Variants in CACNA1E observed in about 807,000 individuals in gnomAD.
The protein encoded by CACNA1E is calcium voltage-gated channel subunit alpha1 E, also known as voltage-dependent R-type calcium channel subunit alpha-1E.
In CACNA1E, 40 loss-of-function variants were observed where a neutral mutation model predicts 259.2. The observed-to-expected ratio is 0.15, with a 90% CI of 0.12 to 0.20. The LOEUF (loss-of-function observed/expected upper bound fraction) is 0.20. CACNA1E is among the 10% of genes least tolerant of loss of function. The pLI is 1.00. For missense variants in CACNA1E, 1,874 were observed against 3,040.1 expected, an observed-to-expected ratio of 0.62 and a Z score of 9.02; for synonymous variants, 1,104 against 1,138.5, an observed-to-expected ratio of 0.97 and a Z score of 0.61.
intron 1 of CACNA1E, among the ~76,000 whole-genome samples, chr1:181,384,231 G>T (rs1470282765): frequency 6.6e-6 from 1 of 152,128 alleles, no homozygotes; most frequent in Non-Finnish European, 1.5e-5. Flanking sequence ...ACACGGAGAT[G>T]CGATATCTAT....
At position 181,658,214 on chromosome 1, in the gene CACNA1E, G is replaced by A. The variant is rs528852040; in HGVS notation, c.1055+6773G>A. Among the ~76,000 whole-genome samples, 6 of 152,326 alleles carry A rather than the reference G, an allele frequency of 3.9e-5. No individual in the cohort carries two copies. In the South Asian group the frequency reaches 6.2e-4, roughly 16 times the overall value. On this transcript the variant is annotated intron_variant, in intron 7 of 47. Coordinates refer to ENST00000367573, the MANE Select transcript of CACNA1E (RefSeq NM_001205293.3). ...TTGTGTCTTAACAGAGCTGGAAATG[G>A]AACAGAACACTACCATACTGGACAG...
chr1:181,790,035 C>T lies in CACNA1E; in HGVS notation c.5787-410C>T, dbSNP rs555606421. Among the ~76,000 whole-genome samples the T allele has an allele frequency of 2.8e-4, 43 of 152,074 alleles. 2 individuals carry two copies. Reference sequence around the variant, plus strand: ...GCGAAATAAGACCATATTCTTACTGCGAGTAGGGAAAATTTTTAAAAAGTC... The same window carrying T: ...GCGAAATAAGACCATATTCTTACTGTGAGTAGGGAAAATTTTTAAAAAGTC... On this transcript the variant is annotated intron_variant, in intron 43 of 47. Transcript: ENST00000367573.
intron 2 of CACNA1E, among the ~76,000 whole-genome samples, chr1:181,434,775 A>G (rs1262822707): frequency 6.6e-6 from 1 of 152,196 alleles, no homozygotes; most frequent in Non-Finnish European, 1.5e-5. Flanking sequence ...GTCAGGGAAC[A>G]CTTCGGAGCT....
chr1:181,539,080 T>C (rs1038140637), intron 3 of CACNA1E, among the ~76,000 whole-genome samples: 7 of 152,184 alleles, frequency 4.6e-5, no homozygotes, highest in Admixed American at 3.3e-4. Context: ...TCCTTTTGAA[T>C]GTGCTCTTTT....
chr1:181,734,817 C>T (rs1655881354), intron 21 of CACNA1E, among the ~76,000 whole-genome samples: 1 of 148,754 alleles, frequency 6.7e-6, no homozygotes, highest in Non-Finnish European at 1.5e-5. Flanking sequence ...AATTCCACAC[C>T]CTATCCTTGC....
chr1:181,470,070 A>T (rs1418151678), intron 2 of CACNA1E, among the ~76,000 whole-genome samples: 1 of 151,442 alleles, frequency 6.6e-6, no homozygotes, highest in African/African-American at 2.4e-5. Context: ...AGAGAGAGTG[A>T]GAGAGAGAGA....
At chr1:181,551,218 C>G (rs1486895983) in intron 3 of CACNA1E, among the ~76,000 whole-genome samples, 1 of 152,172 alleles carries the variant, frequency 6.6e-6, no homozygotes, top group East Asian at 1.9e-4. Flanking sequence ...AAGGTAAACT[C>G]TCCCTCTCTG....
chr1:181,427,853 T>A (rs909783111), intron 2 of CACNA1E, among the ~76,000 whole-genome samples: 4 of 151,652 alleles, frequency 2.6e-5, no homozygotes, highest in African/African-American at 9.7e-5. Flanking sequence ...TATAGGTCTT[T>A]GTTTTGCTCT....
intron 32 of CACNA1E, among the ~76,000 whole-genome samples, 164 bp from the exon 33 acceptor site, chr1:181,762,410 C>G (rs1186523441): frequency 6.6e-6 from 1 of 152,154 alleles, no homozygotes; most frequent in South Asian, 2.1e-4. Context: ...AATGGCATCT[C>G]TGGTTAGAAA....
chr1:181,422,423 C>T (rs1476376084), intron 2 of CACNA1E, among the ~76,000 whole-genome samples: 2 of 152,332 alleles, frequency 1.3e-5, no homozygotes, highest in African/African-American at 2.4e-5. Flanking sequence ...CCATACCAAA[C>T]GGTCTAGTCC....
At chr1:181,434,326 T>G (rs778659666) in intron 2 of CACNA1E, among the ~76,000 whole-genome samples, 20 of 152,288 alleles carry the variant, frequency 1.3e-4, no homozygotes, top group Non-Finnish European at 2.4e-4. Context: ...GTGGCTTAAT[T>G]TTTTTTACTA....
intron 7 of CACNA1E, chr1:181,651,742 C>A: frequency 4.7e-6 from 1 of 214,276 alleles, no homozygotes; most frequent in African/African-American, 2.3e-5. Context: ...AGTCAGAGAC[C>A]TATGTCAAAC....
At chr1:181,384,055 A>G (rs536168551) in intron 1 of CACNA1E, among the ~76,000 whole-genome samples, 1 of 152,156 alleles carries the variant, frequency 6.6e-6, no homozygotes, top group South Asian at 2.1e-4. Context: ...TTTTTACTTT[A>G]TTTAATTTTA....
intron 6 of CACNA1E, among the ~76,000 whole-genome samples, chr1:181,621,485 C>T (rs568277761): frequency 6.6e-6 from 1 of 152,110 alleles, no homozygotes; most frequent in African/African-American, 2.4e-5. Context: ...TTGGTAAATG[C>T]TTACTATGTC....
At chr1:181,768,160 CAAATA>C in intron 35 of CACNA1E, among the ~76,000 whole-genome samples, 1 of 152,270 alleles carries the variant, frequency 6.6e-6, no homozygotes, top group East Asian at 1.9e-4. Context: ...TTTTCATCTT[CAAATA>C]AAATAAACTA....
At chr1:181,577,507 TTG>T (rs930324150) in intron 3 of CACNA1E, among the ~76,000 whole-genome samples, 27 of 152,162 alleles carry the variant, frequency 1.8e-4, no homozygotes, top group African/African-American at 6.5e-4. Context: ...GTTGTGGCCC[TTG>T]TGTTTTGCTT....
intron 7 of CACNA1E, among the ~76,000 whole-genome samples, chr1:181,658,276 G>A (rs1351836449): frequency 3.3e-5 from 5 of 152,048 alleles, no homozygotes; most frequent in Non-Finnish European, 7.3e-5. Context: ...TCTCTGGTTT[G>A]GAATCACATC....
chr1:181,771,655 A>G, intron 36 of CACNA1E: 1 of 479,090 alleles, frequency 2.1e-6, no homozygotes, highest in Middle Eastern at 5.4e-4. Flanking sequence ...TGGGTGGGAG[A>G]AAATTTCATC....
rs112678816 is a variant in CACNA1E, at chr1:181,490,238, C to G, written c.266+6228C>G. On this transcript the variant is annotated intron_variant, in intron 1 of 47. Coordinates refer to ENST00000367573, the MANE Select transcript of CACNA1E (RefSeq NM_001205293.3). The stretch of plus-strand genomic sequence containing the variant: ...GATTAAGGGGAACAGCAATGAATGA[C>G]TTTAAAATGTGTCGGTTATCCAAGA... Among the ~76,000 whole-genome samples the G allele has an allele frequency of 7.0e-3, 1,073 of 152,282 alleles. 5 individuals carry two copies. Among genetic ancestry groups the G allele is most frequent in the African/African-American group, 0.023 (965 of 41,546 alleles).
Sources: allele counts gnomAD v4.1 joint callset (sites outside exome capture counted in the v4.1 genomes callset), GRCh38; gene constraint gnomAD v4.1.1; transcripts MANE v1.5; gene names NCBI Gene and HGNC (gene_info 2026-07-23, HGNC 2026-07-21).